Variants in TCAIM observed in about 807,000 individuals in gnomAD.
TCAIM encodes the protein T-cell activation inhibitor, mitochondrial.
Under a neutral mutation model 58.6 loss-of-function variants are expected in TCAIM, and 36 were observed. The ratio of observed to expected loss-of-function variants is 0.61; its 90% CI spans 0.47 to 0.81. The LOEUF is 0.81. Among genes scored for constraint, TCAIM ranks in the 30% least tolerant of loss-of-function variants. TCAIM has a pLI of 0.00. For synonymous variants in TCAIM, 172 were observed against 193.6 expected, an observed-to-expected ratio of 0.89 and a Z score of 0.93; for missense variants, 466 against 579.6, an observed-to-expected ratio of 0.80 and a Z score of 2.01.
At chr3:44,362,504 C>T (rs1178254571) in intron 4 of TCAIM, 3 of 400,588 alleles carry the variant, frequency 7.5e-6, no homozygotes, top group Non-Finnish European at 1.3e-5. Context: ...TCTCCAGGGA[C>T]TAGTATTTGA....
intron 3 of TCAIM, 83 bp from the exon 4 acceptor site, chr3:44,361,282 G>A (rs917897441): frequency 1.7e-6 from 2 of 1,177,566 alleles, no homozygotes; most frequent in Non-Finnish European, 1.2e-6. Flanking sequence ...TACTCTCAAT[G>A]TGTTTAAAAG....
chr3:44,349,876 C>T (rs980567874), intron 1 of TCAIM, among the ~76,000 whole-genome samples: 18 of 152,172 alleles, frequency 1.2e-4, no homozygotes, highest in African/African-American at 4.3e-4. Context: ...AAAGAGGCCG[C>T]TTACCCGATT....
intron 1 of TCAIM, among the ~76,000 whole-genome samples, chr3:44,351,946 T>C (rs1701099840): frequency 6.6e-6 from 1 of 151,754 alleles, no homozygotes; most frequent in East Asian, 1.9e-4. Context: ...TCATTTAAAA[T>C]TTTCTATCAT....
intron 1 of TCAIM, chr3:44,340,835 C>T (rs1406754137): frequency 6.6e-6 from 1 of 152,040 alleles, no homozygotes; most frequent in African/African-American, 2.4e-5. Flanking sequence ...AAACCACTGC[C>T]CTAAGAGTTA....
intron 5 of TCAIM, among the ~76,000 whole-genome samples, chr3:44,380,661 G>A (rs1039456337): frequency 5.9e-5 from 9 of 152,018 alleles, no homozygotes; most frequent in African/African-American, 2.2e-4. Flanking sequence ...GATAACCAAA[G>A]TAGATATTAG....
At chr3:44,383,432 A>T (rs1015933322) in intron 5 of TCAIM, among the ~76,000 whole-genome samples, 2 of 152,220 alleles carry the variant, frequency 1.3e-5, no homozygotes, top group African/African-American at 4.8e-5. Context: ...GCTACATGAA[A>T]TAAACCAGTC....
At chr3:44,356,154 A>G (rs1419441154) in intron 2 of TCAIM, among the ~76,000 whole-genome samples, 1 of 152,278 alleles carries the variant, frequency 6.6e-6, no homozygotes, top group East Asian at 1.9e-4. Context: ...TTTTAAAAAC[A>G]TAAAACTTTT....
At chr3:44,386,597 C>T (rs1701746755) in intron 5 of TCAIM, among the ~76,000 whole-genome samples, 1 of 152,268 alleles carries the variant, frequency 6.6e-6, no homozygotes, top group African/African-American at 2.4e-5. Flanking sequence ...CCTGCTCCCA[C>T]TCCCTGGCCT....
intron 2 of TCAIM, among the ~76,000 whole-genome samples, chr3:44,357,449 A>G (rs1425606140): frequency 6.6e-6 from 1 of 152,242 alleles, no homozygotes; most frequent in Non-Finnish European, 1.5e-5. Context: ...AAACTTATAA[A>G]GAAAATTGTT....
chr3:44,338,761 C>T (rs1029893560), upstream of TCAIM: 4 of 152,320 alleles, frequency 2.6e-5, no homozygotes, highest in African/African-American at 9.6e-5. Flanking sequence ...GAGCGACTGT[C>T]CTCCCTTCTG....
intron 3 of TCAIM, among the ~76,000 whole-genome samples, chr3:44,360,625 C>CA (rs1232373168): frequency 6.7e-6 from 1 of 149,536 alleles, no homozygotes; most frequent in Non-Finnish European, 1.5e-5. Flanking sequence ...TTTTTGGAGA[C>CA]AGAGTCTTGC....
At chr3:44,379,884 T>G (rs1701628185) in intron 5 of TCAIM, among the ~76,000 whole-genome samples, 1 of 151,846 alleles carries the variant, frequency 6.6e-6, no homozygotes, top group African/African-American at 2.4e-5. Flanking sequence ...AAGTTAAAAT[T>G]ATATCTAGGG....
rs183341597 is a variant in TCAIM at position 44,407,173 on chromosome 3, T to A, written c.1251-269T>A. Among the ~76,000 whole-genome samples, 25 of 152,336 alleles carry A rather than the reference T, an allele frequency of 1.6e-4. No individual in the cohort carries two copies. The East Asian group carries it at 4.6e-3, about 28-fold the overall frequency. ...AGGTAAGGCAATATAAGAGCTTTTTTAAATTTATGTTATTTTTAGCCCTTT... is the reference window on the plus strand; with the variant it reads ...AGGTAAGGCAATATAAGAGCTTTTTAAAATTTATGTTATTTTTAGCCCTTT... On this transcript the variant is annotated intron_variant, in intron 10 of 10. Transcript: ENST00000342649.
chr3:44,383,004 C>T (rs1253843579), intron 5 of TCAIM, among the ~76,000 whole-genome samples: 1 of 152,126 alleles, frequency 6.6e-6, no homozygotes, highest in Non-Finnish European at 1.5e-5. Context: ...TCATTAATCA[C>T]TAGAGAAATG....
chr3:44,370,182 T>C lies in TCAIM; in HGVS notation c.572+2474T>C, dbSNP rs886440618. ...AAAAACAAGTCCCTCTGACTTGTTG[T>C]CTACCCTTTAAGAGTATAGCAACAT... On this transcript the variant is annotated intron_variant, in intron 5 of 10. Coordinates refer to ENST00000342649, the MANE Select transcript of TCAIM (RefSeq NM_173826.4). Among the ~76,000 whole-genome samples the C allele has an allele frequency of 3.9e-5, 6 of 152,320 alleles. No individual in the cohort carries two copies. The South Asian group carries it at 6.2e-4, about 16-fold the overall frequency.
chr3:44,373,531 G>A (rs1261886293), intron 5 of TCAIM, among the ~76,000 whole-genome samples: 2 of 151,728 alleles, frequency 1.3e-5, no homozygotes, highest in Admixed American at 6.6e-5. Flanking sequence ...ATGCATGCCT[G>A]TAGTCCCAGC....
At chr3:44,358,937 G>A in intron 3 of TCAIM, 5 of 985,314 alleles carry the variant, frequency 5.1e-6, no homozygotes, top group Non-Finnish European at 6.0e-6. Context: ...GCTACTCAAA[G>A]TCAGAACTTT....
At chr3:44,372,629 A>T (rs542859772) in intron 5 of TCAIM, among the ~76,000 whole-genome samples, 3 of 149,680 alleles carry the variant, frequency 2.0e-5, no homozygotes, top group Non-Finnish European at 3.0e-5. Context: ...TCTTTTGCTC[A>T]GTCGCCCAGG....
At chr3:44,397,609 T>C (rs1701955128) in intron 8 of TCAIM, among the ~76,000 whole-genome samples, 1 of 152,230 alleles carries the variant, frequency 6.6e-6, no homozygotes, top group South Asian at 2.1e-4. Flanking sequence ...TGCACAAATA[T>C]ATGGACATAT....
Sources: allele counts gnomAD v4.1 joint callset (sites outside exome capture counted in the v4.1 genomes callset), GRCh38; gene constraint gnomAD v4.1.1; transcripts MANE v1.5; gene names NCBI Gene and HGNC (gene_info 2026-07-23, HGNC 2026-07-21).